MSH6: variants seen among roughly 807,000 people sequenced by gnomAD.
The protein encoded by MSH6 is mutS homolog 6.
MSH6 carries 85 observed loss-of-function variants against 119.1 expected under a neutral mutation model. That is an observed-to-expected ratio of 0.71 (90% CI 0.60 to 0.85). The LOEUF (loss-of-function observed/expected upper bound fraction) is 0.85. Among genes scored for constraint, MSH6 ranks in the 40% least tolerant of loss-of-function variants. The pLI is 0.00. For synonymous variants in MSH6, 830 were observed against 586.9 expected, an observed-to-expected ratio of 1.41 and a Z score of -5.99; for missense variants, 2,163 against 1,655.3, an observed-to-expected ratio of 1.31 and a Z score of -5.32.
downstream of MSH6, chr2:47,809,472 C>T (rs537479277): frequency 5.3e-6 from 4 of 754,834 alleles, no homozygotes; most frequent in East Asian, 8.0e-5. Flanking sequence ...AGCTCTGTTT[C>T]TTTCAAAATC....
intron 2 of MSH6, among the ~76,000 whole-genome samples, chr2:47,792,641 A>G (rs1324432253): frequency 2.0e-5 from 3 of 152,078 alleles, no homozygotes; most frequent in Non-Finnish European, 4.4e-5. Context: ...GGCATAAGCC[A>G]CCATGCCCCT....
downstream of MSH6, chr2:47,808,277 A>T (rs373990742): frequency 8.4e-5 from 136 of 1,612,738 alleles, no homozygotes; most frequent in Non-Finnish European, 1.1e-4. Context: ...AAATATTAGA[A>T]AAGTGAGGGG....
At chr2:47,794,169 T>C (rs1436563865) in intron 2 of MSH6, among the ~76,000 whole-genome samples, 1 of 151,532 alleles carries the variant, frequency 6.6e-6, no homozygotes, top group African/African-American at 2.4e-5. Context: ...GGTGAAACCC[T>C]GTCTCTACTA....
chr2:47,796,433 G>T (rs1425147395), intron 3 of MSH6, among the ~76,000 whole-genome samples: 1 of 152,098 alleles, frequency 6.6e-6, no homozygotes, highest in Non-Finnish European at 1.5e-5. Context: ...ACTGAGATGG[G>T]GTCTTGCTAT....
At chr2:47,792,104 C>A (rs966310123) in intron 2 of MSH6, among the ~76,000 whole-genome samples, 1 of 152,202 alleles carries the variant, frequency 6.6e-6, no homozygotes, top group East Asian at 1.9e-4. Flanking sequence ...CCTCCCCCTA[C>A]CAAAGTGCTG....
rs745483465 is a variant in MSH6, at chr2:47,800,202, T to G, written c.2219T>G (p.Leu740Ter). 1 of 1,614,216 alleles carries G rather than the reference T, an allele frequency of 6.2e-7. No homozygotes were observed. The highest frequency in any genetic ancestry group is 8.5e-7 in the Non-Finnish European group (1 of 1,180,038). Residue 740 changes from leucine (L) to a stop codon, truncating the protein, a stop_gained, in exon 4 of 10, where the codon TTA becomes TGA. Coordinates refer to ENST00000234420, the MANE Select transcript of MSH6 (RefSeq NM_000179.3). LOFTEE classifies it high-confidence loss of function. ...YQRMVLDAVTLNNLEIFLNGT... is the reference protein window; with the variant it reads ...YQRMVLDAVT ...CGAATGGTGCTAGATGCAGTGACATTAAACAACTTGGAGATTTTTCTGAAT... is the reference window on the plus strand; with the variant it reads ...CGAATGGTGCTAGATGCAGTGACATGAAACAACTTGGAGATTTTTCTGAAT...
In MSH6 at chr2:47,798,704, A is replaced by G. The variant is rs769962086; in HGVS notation, c.721A>G (p.Ser241Gly). 1 of 1,614,182 alleles carries G rather than the reference A, an allele frequency of 6.2e-7. No individual in the cohort carries two copies. Among genetic ancestry groups the G allele is most frequent in the Non-Finnish European group, 8.5e-7 (1 of 1,180,040 alleles). ...VQPKTQGSRR[S>G]SRQIKKRRVI... ...GCCTAAGACACAAGGATCTAGGCGA[A>G]GTAGCCGCCAAATAAAAAAACGAAG... Residue 241 changes from serine to glycine, a missense_variant, in exon 4 of 10, where the codon AGT becomes GGT. Ser to Gly is a moderately conservative substitution (Grantham distance 56). Coordinates refer to ENST00000234420, the MANE Select transcript of MSH6 (RefSeq NM_000179.3).
rs1064795094 is a variant in MSH6 at position 47,783,252 on chromosome 2, C to A, written c.19C>A (p.Leu7Met). The A allele has an allele frequency of 6.2e-7, 1 of 1,611,986 alleles. No homozygotes were observed. Among genetic ancestry groups the A allele is most frequent in the Admixed American group, 1.7e-5 (1 of 59,990 alleles). The change falls in exon 1 of 10, where the codon CTG becomes ATG. Residue 7 changes from leucine (L) to methionine (M), a missense_variant. Coordinates refer to ENST00000234420, the MANE Select transcript of MSH6 (RefSeq NM_000179.3). MSRQST[L>M]YSFFPKSPAL... ...TGTCGGTATGTCGCGACAGAGCACC[C>A]TGTACAGCTTCTTCCCCAAGTCTCC...
chr2:47,800,376 T>C lies in MSH6; in HGVS notation c.2393T>C (p.Leu798Pro), dbSNP rs2104404366. 6.2e-7 allele frequency: 1 copy of C among 1,614,082 alleles called. No individual in the cohort carries two copies. The highest frequency in any genetic ancestry group is 8.5e-7 in the Non-Finnish European group (1 of 1,180,028). Reference protein sequence around the residue: ...INDRLDAIEDLMVVPDKISEV... With the variant: ...INDRLDAIEDPMVVPDKISEV... ...GATCGTCTAGATGCCATAGAAGACC[T>C]CATGGTTGTGCCTGACAAAATCTCC... Residue 798 changes from leucine (L) to proline (P), a missense_variant, in exon 4 of 10, where the codon CTC (leucine) becomes CCC (proline). Transcript: ENST00000234420.
chr2:47,799,982 G>C lies in MSH6; in HGVS notation c.1999G>C (p.Asp667His), dbSNP rs151086192. 6 of 1,614,124 alleles carry C rather than the reference G, an allele frequency of 3.7e-6. No homozygotes were observed. The highest frequency in any genetic ancestry group is 5.1e-6 in the Non-Finnish European group (6 of 1,180,014). ...QVLKGMTSESDSIGLTPGEKS... is the reference protein window; with the variant it reads ...QVLKGMTSESHSIGLTPGEKS... ...GCTTAAAGGTATGACTTCAGAGTCT[G>C]ATTCCATTGGGTTGACACCAGGAGA... is the stretch of plus-strand genomic sequence containing the variant. Residue 667 changes from aspartate to histidine, a missense_variant, in exon 4 of 10, where the codon GAT (aspartate) becomes CAT (histidine). Transcript: ENST00000234420.
chr2:47,792,555 G>A (rs3136289), intron 2 of MSH6, among the ~76,000 whole-genome samples: 2 of 151,960 alleles, frequency 1.3e-5, no homozygotes, highest in East Asian at 3.9e-4. Context: ...TTGCCATGTT[G>A]CCCAAGCTGG....
intron 6 of MSH6, among the ~76,000 whole-genome samples, chr2:47,805,411 C>A (rs1220874094): frequency 6.6e-6 from 1 of 152,200 alleles, no homozygotes. Flanking sequence ...CTCCTGACCT[C>A]AGGTGATCTG....
intron 6 of MSH6, 42 bp from the exon 7 acceptor site, chr2:47,805,576 T>C: frequency 7.7e-7 from 1 of 1,300,988 alleles, no homozygotes; most frequent in African/African-American, 1.4e-5. Flanking sequence ...TGTAATATGA[T>C]TTGCAAAATG....
chr2:47,783,713 G>A, intron 1 of MSH6: 1 of 519,734 alleles, frequency 1.9e-6, no homozygotes, highest in Non-Finnish European at 3.1e-6. Flanking sequence ...GGCTGTGCAG[G>A]AAGAGGGCTG....
chr2:47,790,499 A>C (rs182270959), intron 1 of MSH6, among the ~76,000 whole-genome samples: 33 of 152,348 alleles, frequency 2.2e-4, no homozygotes, highest in Admixed American at 1.6e-3. Context: ...AATTTACCTA[A>C]TTAGTAAATT....
At chr2:47,784,603 C>G (rs2103966141) in intron 1 of MSH6, 1 of 152,160 alleles carries the variant, frequency 6.6e-6, no homozygotes, top group East Asian at 1.9e-4. Context: ...GTCGGGATTA[C>G]AGGAATGCGC....
At chr2:47,806,063 T>A in intron 7 of MSH6, 141 bp from the exon 8 acceptor site, 1 of 832,806 alleles carries the variant, frequency 1.2e-6, no homozygotes, top group Non-Finnish European at 2.0e-6. Context: ...CTCGTGTAGC[T>A]AAACAAGGCC....
chr2:47,802,898 T>C (rs890471844), intron 4 of MSH6, among the ~76,000 whole-genome samples: 5 of 152,172 alleles, frequency 3.3e-5, no homozygotes, highest in Non-Finnish European at 7.4e-5. Flanking sequence ...GTAGCATGTT[T>C]CTGCTGTTTT....
chr2:47,803,818 C>T (rs1669782665), intron 5 of MSH6, 133 bp downstream of exon 5: 2 of 920,178 alleles, frequency 2.2e-6, no homozygotes, highest in Admixed American at 4.5e-5. Flanking sequence ...AGGGAAATTA[C>T]TCCCTGTGTT....
Sources: allele counts gnomAD v4.1 joint callset (sites outside exome capture counted in the v4.1 genomes callset), GRCh38; gene constraint gnomAD v4.1.1; transcripts MANE v1.5; gene names NCBI Gene and HGNC (gene_info 2026-07-23, HGNC 2026-07-21).